PLEKHA7: variants seen among roughly 807,000 people sequenced by gnomAD.
PLEKHA7 encodes pleckstrin homology domain-containing family A member 7.
In PLEKHA7, 104 loss-of-function variants were observed where a neutral mutation model predicts 170.0. The observed-to-expected ratio is 0.61, with a 90% CI of 0.52 to 0.72. The LOEUF is 0.72. Ranked by LOEUF, PLEKHA7 falls within the 30% of genes least tolerant of loss-of-function variation. The pLI is 0.00. For missense variants in PLEKHA7, 1,615 were observed against 1,671.7 expected (o/e 0.97, Z 0.59); for synonymous variants, 648 against 660.8 (o/e 0.98, Z 0.30).
intron 9 of PLEKHA7, among the ~76,000 whole-genome samples, chr11:16,829,803 G>A (rs1265188458): frequency 1.3e-5 from 2 of 152,052 alleles, no homozygotes; most frequent in East Asian, 1.9e-4. Flanking sequence ...CTTACCGTAA[G>A]TTTATAAAGG....
At chr11:16,903,364 T>C (rs374837152) in intron 3 of PLEKHA7, among the ~76,000 whole-genome samples, 75 of 152,264 alleles carry the variant, frequency 4.9e-4, no homozygotes, top group African/African-American at 1.7e-3. Flanking sequence ...AAACAGAGCA[T>C]GTTTGGGATG....
At chr11:16,846,508 A>G (rs1852422369) in intron 8 of PLEKHA7, among the ~76,000 whole-genome samples, 1 of 152,058 alleles carries the variant, frequency 6.6e-6, no homozygotes, top group Admixed American at 6.6e-5. Context: ...TTGTTTCCTC[A>G]TATTTAAAAT....
chr11:16,882,728 C>T (rs1855798970), intron 3 of PLEKHA7, among the ~76,000 whole-genome samples: 2 of 152,214 alleles, frequency 1.3e-5, no homozygotes, highest in Admixed American at 1.3e-4. Context: ...GCTTAGCCCT[C>T]TGAGTGCTTT....
chr11:16,870,009 C>G (rs1854699044), intron 4 of PLEKHA7, among the ~76,000 whole-genome samples: 1 of 152,176 alleles, frequency 6.6e-6, no homozygotes. Flanking sequence ...ACAGAGCCAC[C>G]TGTGCACATT....
intron 3 of PLEKHA7, among the ~76,000 whole-genome samples, chr11:16,957,944 C>T (rs1448586140): frequency 2.6e-5 from 4 of 151,924 alleles, no homozygotes; most frequent in South Asian, 2.1e-4. Context: ...ACCTCGTGAT[C>T]GGCCCACCTC....
chr11:16,904,251 C>G (rs1857515692), intron 3 of PLEKHA7, among the ~76,000 whole-genome samples: 1 of 152,240 alleles, frequency 6.6e-6, no homozygotes. Context: ...AGTGCCTGCT[C>G]TGTACCCATC....
At chr11:16,790,725 C>A (rs760583092) in intron 21 of PLEKHA7, 73 bp downstream of exon 21, 5 of 1,457,764 alleles carry the variant, frequency 3.4e-6, no homozygotes, top group South Asian at 2.5e-5. Flanking sequence ...CAGAAGGGTA[C>A]GAGGCACCAG....
At chr11:16,891,142 T>C (rs138637175) in intron 3 of PLEKHA7, among the ~76,000 whole-genome samples, 1 of 151,416 alleles carries the variant, frequency 6.6e-6, no homozygotes, top group Non-Finnish European at 1.5e-5. Flanking sequence ...CTCAAACTAC[T>C]GTACTCAGGC....
chr11:16,871,314 T>C, intron 3 of PLEKHA7, 132 bp from the exon 4 acceptor site: 1 of 658,386 alleles, frequency 1.5e-6, no homozygotes, highest in Non-Finnish European at 2.7e-6. Context: ...GGGCCTTTCC[T>C]CTGAGACACA....
chr11:16,819,559 TAACA>T (rs1590218803), intron 10 of PLEKHA7, among the ~76,000 whole-genome samples: 1 of 152,268 alleles, frequency 6.6e-6, no homozygotes. Context: ...CAATTTTATC[TAACA>T]TTTATTTGGT....
intron 3 of PLEKHA7, among the ~76,000 whole-genome samples, chr11:16,892,616 C>CTTTTTTT (rs1479729633): frequency 1.2e-5 from 1 of 82,858 alleles, no homozygotes; most frequent in Non-Finnish European, 2.4e-5. Flanking sequence ...CAGCTTCCAG[C>CTTTTTTT]TTCTTTTTTT....
At chr11:16,859,258 TC>T (rs1417875804) in intron 4 of PLEKHA7, among the ~76,000 whole-genome samples, 1 of 152,196 alleles carries the variant, frequency 6.6e-6, no homozygotes, top group African/African-American at 2.4e-5. Flanking sequence ...AGTAACAAGA[TC>T]AGCCTTCAGA....
At chr11:16,854,574 T>G (rs1442196349) in intron 6 of PLEKHA7, among the ~76,000 whole-genome samples, 1 of 152,168 alleles carries the variant, frequency 6.6e-6, no homozygotes, top group Non-Finnish European at 1.5e-5. Flanking sequence ...AGGCAAGTGC[T>G]GGTAGAGAAC....
At chr11:16,854,310 A>G (rs1853242702) in intron 6 of PLEKHA7, among the ~76,000 whole-genome samples, 1 of 152,210 alleles carries the variant, frequency 6.6e-6, no homozygotes, top group Non-Finnish European at 1.5e-5. Flanking sequence ...GACTGAATGC[A>G]TGTCGGGGAA....
At chr11:16,898,614 G>T (rs1213738490) in intron 3 of PLEKHA7, among the ~76,000 whole-genome samples, 1 of 152,194 alleles carries the variant, frequency 6.6e-6, no homozygotes, top group Non-Finnish European at 1.5e-5. Context: ...AATAATAGCA[G>T]CAAGTATTAT....
chr11:16,926,358 G>A (rs556287514), intron 3 of PLEKHA7, among the ~76,000 whole-genome samples: 4 of 152,132 alleles, frequency 2.6e-5, no homozygotes, highest in Non-Finnish European at 5.9e-5. Context: ...CAGGCAATCA[G>A]AACTACAGCA....
In PLEKHA7 at chr11:16,896,519, C is replaced by T. The variant is rs1186237770; in HGVS notation, c.222-25337G>A. On this transcript the variant is annotated intron_variant, in intron 3 of 26. Transcript: ENST00000531066. ...TAGTTAACTCTACTTCCTATATCCC[C>T]AACCTGGCCCATCCTCTCCATCCCC... is the stretch of plus-strand genomic sequence containing the variant. Among the ~76,000 whole-genome samples the T allele has an allele frequency of 5.3e-5, 8 of 152,252 alleles. No homozygotes were observed. The East Asian group carries it at 1.6e-3, about 30-fold the overall frequency.
chr11:16,852,339 C>G lies in PLEKHA7; in HGVS notation c.539G>C (p.Arg180Thr). ...CACAAACCACCTCCTTTTCCACAGC[C>G]TCATCCCAGAACTGTCCTGCAAAGC... ...WLHKQDSSGM[R>T]LWKRRWFVLA... The change falls in exon 7 of 27, where the codon AGG becomes ACG. Residue 180 changes from arginine (R) to threonine (T), a missense_variant. By Grantham distance (71) the Arg-to-Thr change is moderately conservative. Coordinates refer to ENST00000531066, the MANE Select transcript of PLEKHA7 (RefSeq NM_001329630.2). 1.2e-6 allele frequency: 2 copies of G among 1,614,046 alleles called. No homozygotes were observed. Among genetic ancestry groups the G allele is most frequent in the Non-Finnish European group, 1.7e-6 (2 of 1,179,986 alleles).
chr11:16,937,099 T>C (rs1351881585), intron 3 of PLEKHA7, among the ~76,000 whole-genome samples: 1 of 150,728 alleles, frequency 6.6e-6, no homozygotes, highest in African/African-American at 2.4e-5. Flanking sequence ...ATTAACAATC[T>C]CCAAATTGTT....
Sources: allele counts gnomAD v4.1 joint callset (sites outside exome capture counted in the v4.1 genomes callset), GRCh38; gene constraint gnomAD v4.1.1; transcripts MANE v1.5; gene names NCBI Gene and HGNC (gene_info 2026-07-23, HGNC 2026-07-21).